Variants in GOLGA4 observed in about 807,000 individuals in gnomAD.
GOLGA4 encodes the protein golgin A4.
GOLGA4 carries 169 observed loss-of-function variants against 265.9 expected under a neutral mutation model. The ratio of observed to expected loss-of-function variants is 0.64; its 90% CI spans 0.56 to 0.72. The LOEUF is 0.72. Ranked by LOEUF, GOLGA4 falls within the 30% of genes least tolerant of loss-of-function variation. The probability of loss-of-function intolerance (pLI) is 0.00; values close to 1 mark genes in which losing one functional copy is unlikely to be tolerated. For synonymous variants in GOLGA4, 923 were observed against 855.8 expected, an observed-to-expected ratio of 1.08 and a Z score of -1.37; for missense variants, 2,482 against 2,483.4, an observed-to-expected ratio of 1.00 and a Z score of 0.01.
At chr3:37,306,440 A>T (rs2096906292) in intron 10 of GOLGA4, among the ~76,000 whole-genome samples, 1 of 151,528 alleles carries the variant, frequency 6.6e-6, no homozygotes, top group African/African-American at 2.4e-5. Context: ...TTATATCCTC[A>T]GTGTAGCACC....
At chr3:37,336,770 G>A (rs568976300) in intron 17 of GOLGA4, among the ~76,000 whole-genome samples, 2 of 150,622 alleles carry the variant, frequency 1.3e-5, no homozygotes, top group East Asian at 3.9e-4. Context: ...AAAAGAAAGA[G>A]AGAAAGAGAG....
intron 5 of GOLGA4, among the ~76,000 whole-genome samples, 170 bp from the exon 6 acceptor site, chr3:37,294,809 T>C (rs1009874945): frequency 3.3e-5 from 5 of 152,256 alleles, no homozygotes; most frequent in African/African-American, 1.2e-4. Flanking sequence ...CATTTGTTGA[T>C]GCAAATGTTT....
chr3:37,266,494 G>T (rs1215552324), intron 2 of GOLGA4, among the ~76,000 whole-genome samples: 2 of 152,094 alleles, frequency 1.3e-5, no homozygotes, highest in Non-Finnish European at 2.9e-5. Flanking sequence ...CACTGCGCCC[G>T]GCCCATGTAT....
Position 37,324,020 on chromosome 3 carries a change from G to T in GOLGA4, c.2134G>T (p.Asp712Tyr). 1.2e-6 allele frequency: 2 copies of T among 1,613,724 alleles called. No homozygotes were observed. Among genetic ancestry groups the T allele is most frequent in the South Asian group, 1.1e-5 (1 of 91,074 alleles). ...AGAAGAGGAACTTTCTGTTCTGAAA[G>T]ATCAAACAGATAAAATGAAGCAGGA... ...KLEEELSVLKDQTDKMKQELE... is the reference protein window; with the variant it reads ...KLEEELSVLKYQTDKMKQELE... Residue 712 changes from aspartate to tyrosine, a missense_variant, in exon 14 of 24, where the codon GAT (aspartate) becomes TAT (tyrosine). This residue lies in a region of GOLGA4 where 1,536 missense variants were observed against 1,483.7 expected (regional missense o/e 1.04). Transcript: ENST00000361924.
intron 10 of GOLGA4, among the ~76,000 whole-genome samples, chr3:37,314,642 A>C (rs1014347798): frequency 2.2e-5 from 3 of 139,050 alleles, no homozygotes; most frequent in African/African-American, 8.1e-5. Flanking sequence ...CTCCGTCTCA[A>C]ACACACACAC....
chr3:37,300,881 C>T (rs114940685), intron 9 of GOLGA4, among the ~76,000 whole-genome samples: 2 of 152,032 alleles, frequency 1.3e-5, no homozygotes, highest in Non-Finnish European at 2.9e-5. Flanking sequence ...AAAGTTTTTT[C>T]ATTGCAATTG....
chr3:37,298,932 A>C lies in GOLGA4; in HGVS notation c.914A>C (p.His305Pro). 1.2e-6 allele frequency: 2 copies of C among 1,613,344 alleles called. No individual in the cohort carries two copies. The highest frequency in any genetic ancestry group is 1.7e-6 in the Non-Finnish European group (2 of 1,179,286). The stretch of plus-strand genomic sequence containing the variant: ...CGTTGTAAGGAAACAATTCAGTCAC[A>C]TAAGGAACAATGTACACTATTAACT... ...LKRCKETIQSHKEQCTLLTSE... is the reference protein window; with the variant it reads ...LKRCKETIQSPKEQCTLLTSE... Residue 305 changes from histidine (H) to proline (P), a missense_variant, in exon 8 of 24, where the codon CAT becomes CCT. Transcript: ENST00000361924.
intron 20 of GOLGA4, 117 bp downstream of exon 20, chr3:37,340,316 GATTTT>G (rs2097029084): frequency 1.0e-5 from 5 of 486,440 alleles, no homozygotes; most frequent in Non-Finnish European, 1.8e-5. Flanking sequence ...AATTTTTAAT[GATTTT>G]ATTTTTTCTT....
At chr3:37,276,529 T>C (rs2096819493) in intron 2 of GOLGA4, 1 of 1,603,044 alleles carries the variant, frequency 6.2e-7, no homozygotes, top group Admixed American at 1.7e-5. Context: ...TACAAACCCG[T>C]AGTGCTGATG....
At chr3:37,338,980 G>C (rs989177631) in intron 19 of GOLGA4, among the ~76,000 whole-genome samples, 9 of 150,682 alleles carry the variant, frequency 6.0e-5, no homozygotes, top group African/African-American at 2.4e-5. Context: ...TCCTGCCTCA[G>C]CCTGCTGAGT....
At chr3:37,305,538 T>A (rs189034941) in intron 10 of GOLGA4, among the ~76,000 whole-genome samples, 21 of 152,308 alleles carry the variant, frequency 1.4e-4, no homozygotes, top group South Asian at 2.1e-4. Context: ...GTACTAAACA[T>A]AAGAAAAGGT....
intron 20 of GOLGA4, among the ~76,000 whole-genome samples, chr3:37,343,226 A>G (rs1055455220): frequency 3.9e-5 from 6 of 152,222 alleles, no homozygotes; most frequent in Non-Finnish European, 8.8e-5. Context: ...GGTTCAAGCA[A>G]TTCTCCTGCC....
intron 6 of GOLGA4, 95 bp downstream of exon 6, chr3:37,295,172 TTTTTTAAGACCTATTTTTAA>T: frequency 3.2e-6 from 2 of 631,744 alleles, no homozygotes; most frequent in Non-Finnish European, 5.3e-6. Flanking sequence ...AAGTTTTTTC[TTTTTTAAGACCTATTTTTAA>T]AACTTTTTGC....
At chr3:37,315,129 G>T (rs2096934007) in intron 10 of GOLGA4, among the ~76,000 whole-genome samples, 2 of 152,278 alleles carry the variant, frequency 1.3e-5, no homozygotes, top group South Asian at 2.1e-4. Context: ...AAGGAAACTG[G>T]TAGAGAATGG....
intron 20 of GOLGA4, among the ~76,000 whole-genome samples, chr3:37,340,511 A>G (rs918201303): frequency 6.6e-6 from 1 of 152,196 alleles, no homozygotes; most frequent in South Asian, 2.1e-4. Flanking sequence ...TGGGTGGGGA[A>G]TAATACAATA....
At chr3:37,316,139 A>G (rs1300698800) in intron 11 of GOLGA4, among the ~76,000 whole-genome samples, 1 of 151,744 alleles carries the variant, frequency 6.6e-6, no homozygotes, top group Non-Finnish European at 1.5e-5. Context: ...AGAAATATGA[A>G]CATGTCATCA....
At chr3:37,342,280 G>T (rs1364333426) in intron 20 of GOLGA4, among the ~76,000 whole-genome samples, 3 of 152,118 alleles carry the variant, frequency 2.0e-5, no homozygotes, top group Non-Finnish European at 4.4e-5. Flanking sequence ...GGAGGCTGGG[G>T]TTGCAGTGAG....
At position 37,319,329 on chromosome 3, in the gene GOLGA4, A is replaced by C. The variant is rs2096948042; in HGVS notation, c.1545+135A>C. On this transcript the variant is annotated intron_variant, in intron 12 of 23. Coordinates refer to ENST00000361924, the MANE Select transcript of GOLGA4 (RefSeq NM_002078.5). ...ACGTTTGGGTATAAAGAGAGGATAG[A>C]GAGTAGGCAAGCTGTCAGAGCTTAT... 6 of 591,838 alleles carry C rather than the reference A, an allele frequency of 1.0e-5. No homozygotes were observed. In the South Asian group the frequency reaches 1.6e-4, roughly 16 times the overall value. 36.7% of individuals were successfully genotyped at this position (591,838 alleles called of 1,614,324 possible).
chr3:37,356,643 T>G (rs1326999507), intron 22 of GOLGA4, among the ~76,000 whole-genome samples: 1 of 152,176 alleles, frequency 6.6e-6, no homozygotes, highest in African/African-American at 2.4e-5. Context: ...TCTACAAGCA[T>G]GAAATTTTGT....
Sources: allele counts gnomAD v4.1 joint callset (sites outside exome capture counted in the v4.1 genomes callset), GRCh38; gene constraint gnomAD v4.1.1; regional missense constraint gnomAD v4.1.1; transcripts MANE v1.5; gene names NCBI Gene and HGNC (gene_info 2026-07-23, HGNC 2026-07-21).